NRCAM: variants seen among roughly 807,000 people sequenced by gnomAD.
The protein encoded by NRCAM is neuronal cell adhesion molecule, also known as NgCAM-related cell adhesion molecule.
In NRCAM, 83 loss-of-function variants were observed where a neutral mutation model predicts 156.5. The observed-to-expected ratio is 0.53, with a 90% CI of 0.44 to 0.64. The LOEUF (loss-of-function observed/expected upper bound fraction) is 0.64, where lower values mean the gene tolerates loss of function less well. Ranked by LOEUF, NRCAM falls within the 30% of genes least tolerant of loss-of-function variation. The pLI is 0.00. For missense variants in NRCAM, 1,417 were observed against 1,597.3 expected, an observed-to-expected ratio of 0.89 and a Z score of 1.92; for synonymous variants, 538 against 563.9, an observed-to-expected ratio of 0.95 and a Z score of 0.65.
chr7:108,339,406 C>G (rs534127617), intron 2 of NRCAM, among the ~76,000 whole-genome samples: 1 of 152,316 alleles, frequency 6.6e-6, no homozygotes, highest in African/African-American at 2.4e-5. Flanking sequence ...TTATCTCAAT[C>G]CTGACTCAAA....
chr7:108,170,368 C>A (rs924256570), intron 28 of NRCAM, among the ~76,000 whole-genome samples: 3 of 152,182 alleles, frequency 2.0e-5, no homozygotes, highest in African/African-American at 7.2e-5. Flanking sequence ...CCCAGAATCA[C>A]TAAGCTAAAG....
intron 1 of NRCAM, among the ~76,000 whole-genome samples, chr7:108,422,099 C>G (rs115214242): frequency 6.6e-6 from 1 of 152,194 alleles, no homozygotes; most frequent in South Asian, 2.1e-4. Context: ...AGAGCCACTT[C>G]ACGAGTTCTT....
At chr7:108,287,714 C>G (rs929709140) in intron 3 of NRCAM, among the ~76,000 whole-genome samples, 3 of 151,138 alleles carry the variant, frequency 2.0e-5, no homozygotes, top group African/African-American at 7.3e-5. Flanking sequence ...AAAAAAACAA[C>G]AGATGTTGGT....
chr7:108,209,935 C>A (rs1355296220), intron 11 of NRCAM, among the ~76,000 whole-genome samples: 1 of 152,010 alleles, frequency 6.6e-6, no homozygotes, highest in South Asian at 2.1e-4. Context: ...TTACATGAAG[C>A]TACTATGTTA....
intron 1 of NRCAM, among the ~76,000 whole-genome samples, chr7:108,424,427 A>C (rs1245757061): frequency 6.6e-6 from 1 of 152,182 alleles, no homozygotes; most frequent in Admixed American, 6.5e-5. Context: ...TCAAACTGAT[A>C]ATTACAGTGC....
intron 15 of NRCAM, 123 bp downstream of exon 15, chr7:108,195,638 C>T: frequency 1.6e-6 from 1 of 629,684 alleles, no homozygotes; most frequent in Non-Finnish European, 2.8e-6. Flanking sequence ...AATATATTAA[C>T]AGTGTAATGG....
intron 11 of NRCAM, among the ~76,000 whole-genome samples, chr7:108,213,168 TAC>T (rs1386581792): frequency 2.6e-5 from 4 of 152,174 alleles, no homozygotes; most frequent in African/African-American, 4.8e-5. Flanking sequence ...GAAGGAAAGA[TAC>T]AGTCTTTTTC....
intron 3 of NRCAM, among the ~76,000 whole-genome samples, chr7:108,275,262 T>C (rs1445607739): frequency 1.3e-5 from 2 of 152,230 alleles, no homozygotes; most frequent in African/African-American, 4.8e-5. Flanking sequence ...TAAAATGAGT[T>C]AGGGAGGATT....
intron 8 of NRCAM, among the ~76,000 whole-genome samples, chr7:108,229,243 T>A (rs1371756527): frequency 6.6e-6 from 1 of 152,208 alleles, no homozygotes; most frequent in Admixed American, 6.5e-5. Flanking sequence ...TAATTGTGTC[T>A]TTCAAAAATA....
intron 1 of NRCAM, among the ~76,000 whole-genome samples, chr7:108,432,470 T>C (rs1466405586): frequency 6.6e-6 from 1 of 152,232 alleles, no homozygotes; most frequent in Non-Finnish European, 1.5e-5. Context: ...CAATGGAGGA[T>C]TCTCAAAGTT....
At chr7:108,435,990 C>T (rs905581820) in intron 1 of NRCAM, among the ~76,000 whole-genome samples, 27 of 152,238 alleles carry the variant, frequency 1.8e-4, no homozygotes, top group African/African-American at 5.8e-4. Flanking sequence ...AAAAATTAGC[C>T]GGGCGTGTTG....
intron 2 of NRCAM, among the ~76,000 whole-genome samples, chr7:108,320,613 ATTAT>A (rs2098990286): frequency 6.6e-6 from 1 of 152,232 alleles, no homozygotes; most frequent in Non-Finnish European, 1.5e-5. Context: ...GATTAAATAA[ATTAT>A]ATTAAACTTC....
chr7:108,389,460 G>C (rs1180950185), intron 2 of NRCAM, among the ~76,000 whole-genome samples: 2 of 152,198 alleles, frequency 1.3e-5, no homozygotes, highest in Non-Finnish European at 2.9e-5. Flanking sequence ...TTGGGGCTCA[G>C]ATGATGGGGT....
intron 25 of NRCAM, chr7:108,178,534 C>G (rs1002993691): frequency 1.5e-5 from 3 of 201,794 alleles, no homozygotes; most frequent in Non-Finnish European, 2.1e-5. Flanking sequence ...CCAGGTGTCT[C>G]CAAACAGTCA....
intron 13 of NRCAM, among the ~76,000 whole-genome samples, chr7:108,204,338 C>T (rs2079857570): frequency 6.6e-6 from 1 of 152,198 alleles, no homozygotes; most frequent in African/African-American, 2.4e-5. Context: ...TAGCATCCAC[C>T]CATGTGGCCA....
intron 22 of NRCAM, 97 bp from the exon 23 acceptor site, chr7:108,183,017 G>A: frequency 2.0e-6 from 2 of 982,634 alleles, no homozygotes; most frequent in Non-Finnish European, 1.6e-6. Context: ...TACAGAAAGT[G>A]ATCATTGAAA....
intron 2 of NRCAM, among the ~76,000 whole-genome samples, chr7:108,325,888 T>C (rs975429101): frequency 1.3e-5 from 2 of 152,032 alleles, no homozygotes; most frequent in Non-Finnish European, 2.9e-5. Context: ...ACTAGATGCA[T>C]AGAACGTATC....
At chr7:108,354,431 C>T (rs1357766106) in intron 2 of NRCAM, among the ~76,000 whole-genome samples, 1 of 152,010 alleles carries the variant, frequency 6.6e-6, no homozygotes, top group African/African-American at 2.4e-5. Flanking sequence ...CAACTAAAGG[C>T]AGGTAAGATA....
chr7:108,423,634 A>C (rs1483510014), intron 1 of NRCAM, among the ~76,000 whole-genome samples: 1 of 152,240 alleles, frequency 6.6e-6, no homozygotes, highest in Non-Finnish European at 1.5e-5. Context: ...ATTCCAGCTA[A>C]CAAAGATACA....
Sources: gnomAD v4.1 joint callset for allele counts (sites outside exome capture counted in the v4.1 genomes callset) on GRCh38, gnomAD v4.1.1 for gene constraint, MANE v1.5 for transcripts, NCBI Gene and HGNC (gene_info 2026-07-23, HGNC 2026-07-21) for gene names.